Variants in ARID4B observed in about 807,000 individuals in gnomAD.
ARID4B encodes the protein AT-rich interactive domain-containing protein 4B.
A neutral mutation model predicts 147.5 loss-of-function variants in ARID4B; 26 were observed. The ratio of observed to expected loss-of-function variants is 0.18; its 90% CI spans 0.13 to 0.24. The LOEUF (loss-of-function observed/expected upper bound fraction) is 0.24. Among genes scored for constraint, ARID4B ranks in the 10% least tolerant of loss-of-function variants. The pLI is 1.00. For synonymous variants in ARID4B, 512 were observed against 507.9 expected (o/e 1.01, Z -0.11); for missense variants, 1,179 against 1,511.5 (o/e 0.78, Z 3.65).
intron 18 of ARID4B, 110 bp from the exon 19 acceptor site, chr1:235,194,321 C>A (rs1427313637): frequency 1.1e-6 from 1 of 876,526 alleles, no homozygotes; most frequent in Non-Finnish European, 1.7e-6. Flanking sequence ...AAATATTTAA[C>A]ATAAAAAGAA....
intron 6 of ARID4B, among the ~76,000 whole-genome samples, chr1:235,252,434 TTC>T (rs1469236530): frequency 6.6e-6 from 1 of 152,200 alleles, no homozygotes; most frequent in Admixed American, 6.5e-5. Context: ...GAAATCTGTT[TTC>T]TAGTTATTTA....
intron 17 of ARID4B, among the ~76,000 whole-genome samples, chr1:235,213,561 C>CAAGTGTG (rs1460431170): frequency 6.9e-6 from 1 of 145,636 alleles, no homozygotes; most frequent in Non-Finnish European, 1.5e-5. Context: ...CCTCGGTTTT[C>CAAGTGTG]TAGACATTAG....
rs1298230289 is a variant in ARID4B at position 235,250,061 on chromosome 1, C to T, written c.354+2669G>A. On this transcript the variant is annotated intron_variant, in intron 6 of 23. Transcript: ENST00000264183. ...GGCGGAGCTTGCAGTGAGCCGAGAT[C>T]GCACCACTGCACTCCAGCCTGGGCA... Among the ~76,000 whole-genome samples the T allele has an allele frequency of 4.0e-5, 6 of 151,896 alleles. No homozygotes were observed. The South Asian group carries it at 6.2e-4, about 16-fold the overall frequency.
At chr1:235,309,565 C>A (rs1196920689) in intron 2 of ARID4B, among the ~76,000 whole-genome samples, 3 of 149,142 alleles carry the variant, frequency 2.0e-5, no homozygotes, top group African/African-American at 7.4e-5. Context: ...GGTCAGCCCC[C>A]CGCCCGGTCA....
chr1:235,245,157 T>G (rs1248109181), intron 7 of ARID4B, among the ~76,000 whole-genome samples: 1 of 152,172 alleles, frequency 6.6e-6, no homozygotes, highest in African/African-American at 2.4e-5. Context: ...AGCAAATCTC[T>G]CATTACACAT....
At chr1:235,286,908 G>C (rs1672009968) in intron 2 of ARID4B, among the ~76,000 whole-genome samples, 1 of 152,198 alleles carries the variant, frequency 6.6e-6, no homozygotes, top group Non-Finnish European at 1.5e-5. Context: ...GATGGAGAGA[G>C]AAGAACTGGG....
At chr1:235,210,512 A>T (rs1170027793) in intron 17 of ARID4B, among the ~76,000 whole-genome samples, 2 of 151,820 alleles carry the variant, frequency 1.3e-5, no homozygotes, top group African/African-American at 4.9e-5. Context: ...GAGCCGCAAA[A>T]ATAAAAATTA....
At chr1:235,250,432 C>T (rs1232722605) in intron 6 of ARID4B, among the ~76,000 whole-genome samples, 2 of 152,184 alleles carry the variant, frequency 1.3e-5, no homozygotes, top group Non-Finnish European at 2.9e-5. Flanking sequence ...TGGGTGCACT[C>T]TGGACCACAT....
rs115103528 is a variant in ARID4B, at chr1:235,298,112, A to T, written c.6+28802T>A. 7.7e-3 allele frequency among the ~76,000 whole-genome samples: 1,174 copies of T among 152,312 alleles called. 16 individuals carry two copies. The highest frequency in any genetic ancestry group is 0.027 in the African/African-American group (1,133 of 41,560). The stretch of plus-strand genomic sequence containing the variant: ...ATACATACCGAAATACATATGGGTG[A>T]AATGATATCTGGAATTTGCTTTAAA... On this transcript the variant is annotated intron_variant, in intron 2 of 23. Coordinates refer to ENST00000264183, the MANE Select transcript of ARID4B (RefSeq NM_016374.6).
At chr1:235,249,175 A>C (rs958246664) in intron 6 of ARID4B, among the ~76,000 whole-genome samples, 9 of 151,974 alleles carry the variant, frequency 5.9e-5, no homozygotes, top group African/African-American at 1.9e-4. Context: ...TCTACTAAAA[A>C]TACAAAAATT....
intron 2 of ARID4B, among the ~76,000 whole-genome samples, chr1:235,303,813 C>T (rs1309524392): frequency 6.6e-6 from 1 of 152,146 alleles, no homozygotes; most frequent in African/African-American, 2.4e-5. Context: ...AGGTAATAAG[C>T]ACTCTTTTAT....
chr1:235,248,504 T>C (rs918183730), intron 6 of ARID4B, among the ~76,000 whole-genome samples: 1 of 152,192 alleles, frequency 6.6e-6, no homozygotes, highest in Non-Finnish European at 1.5e-5. Flanking sequence ...TCACTTTCTG[T>C]CAAGCAAACA....
chr1:235,241,858 T>C (rs1384143498), intron 7 of ARID4B, among the ~76,000 whole-genome samples: 1 of 152,036 alleles, frequency 6.6e-6, no homozygotes, highest in African/African-American at 2.4e-5. Context: ...CTTTTTAAAG[T>C]GACATGGGGA....
intron 11 of ARID4B, among the ~76,000 whole-genome samples, chr1:235,226,631 C>G (rs745773794): frequency 6.6e-6 from 1 of 152,062 alleles, no homozygotes; most frequent in Non-Finnish European, 1.5e-5. Context: ...ACACCATTCT[C>G]CTGCCTCAGC....
chr1:235,234,191 C>G (rs1028806288), intron 9 of ARID4B, among the ~76,000 whole-genome samples: 2 of 152,122 alleles, frequency 1.3e-5, no homozygotes, highest in Admixed American at 1.3e-4. Flanking sequence ...TACTGAGTGT[C>G]TAGTTTGGAA....
At chr1:235,235,621 C>T (rs1367145427) in intron 8 of ARID4B, among the ~76,000 whole-genome samples, 2 of 151,980 alleles carry the variant, frequency 1.3e-5, no homozygotes, top group Non-Finnish European at 2.9e-5. Flanking sequence ...CAAGGTGAAG[C>T]TTTAAAAGGA....
At chr1:235,238,338 T>A (rs953367059) in intron 8 of ARID4B, among the ~76,000 whole-genome samples, 7 of 152,072 alleles carry the variant, frequency 4.6e-5, no homozygotes, top group Non-Finnish European at 2.9e-5. Flanking sequence ...GTCATTAACA[T>A]AAGGGAAAAA....
chr1:235,293,531 A>C (rs1367139528), intron 2 of ARID4B, among the ~76,000 whole-genome samples: 1 of 152,200 alleles, frequency 6.6e-6, no homozygotes, highest in East Asian at 1.9e-4. Context: ...ATATGTAAAT[A>C]TGAGGTAAAA....
At chr1:235,240,503 C>G in intron 7 of ARID4B, 52 bp from the exon 8 acceptor site, 1 of 1,543,320 alleles carries the variant, frequency 6.5e-7, no homozygotes. Flanking sequence ...AAAGAATAAG[C>G]ATGCCAATGA....
Sources: gnomAD v4.1 joint callset for allele counts (sites outside exome capture counted in the v4.1 genomes callset) on GRCh38, gnomAD v4.1.1 for gene constraint, MANE v1.5 for transcripts, NCBI Gene and HGNC (gene_info 2026-07-23, HGNC 2026-07-21) for gene names.